Variants in ADORA2B observed in about 807,000 individuals in gnomAD.
ADORA2B encodes adenosine A2b receptor.
A neutral mutation model predicts 20.8 loss-of-function variants in ADORA2B; 18 were observed. That is an observed-to-expected ratio of 0.87 (90% CI 0.60 to 1.29). The LOEUF (loss-of-function observed/expected upper bound fraction) is 1.29. Among genes scored for constraint, ADORA2B ranks in the 50% most tolerant of loss-of-function variants. The pLI, the probability that ADORA2B is intolerant of heterozygous loss-of-function variation, is 0.00. For synonymous variants in ADORA2B, 179 were observed against 178.3 expected, an observed-to-expected ratio of 1.00 and a Z score of -0.03; for missense variants, 441 against 422.7, an observed-to-expected ratio of 1.04 and a Z score of -0.38.
the ADORA2B span, among the ~76,000 whole-genome samples, chr17:15,939,066 A>T: frequency 6.6e-6 from 1 of 152,010 alleles, no homozygotes; most frequent in Non-Finnish European, 1.5e-5. Flanking sequence ...TTTGAGGCAG[A>T]GTCTCTCACC....
chr17:15,927,665 A>C, the ADORA2B span, among the ~76,000 whole-genome samples: 1 of 152,180 alleles, frequency 6.6e-6, no homozygotes, highest in Non-Finnish European at 1.5e-5. Flanking sequence ...AAAATAAAAT[A>C]AAAGTAAGGC....
the ADORA2B span, among the ~76,000 whole-genome samples, chr17:15,936,535 G>A: frequency 5.9e-5 from 9 of 151,776 alleles, no homozygotes; most frequent in Non-Finnish European, 2.9e-5. Flanking sequence ...GGTTAGGCTG[G>A]TCTCAAACTC....
chr17:15,866,762 C>T, the ADORA2B span, among the ~76,000 whole-genome samples: 1 of 124,742 alleles, frequency 8.0e-6, no homozygotes, highest in South Asian at 2.6e-4. Context: ...CCTCTCTTTC[C>T]ACAGTCTCCC....
intron 1 of ADORA2B, among the ~76,000 whole-genome samples, chr17:15,960,263 G>C (rs1970018356): frequency 4.7e-5 from 1 of 21,080 alleles, no homozygotes; most frequent in Non-Finnish European, 5.2e-4. Context: ...TTAAAAAAAG[G>C]CACAAATTGG....
At chr17:15,874,345 T>C in the ADORA2B span, among the ~76,000 whole-genome samples, 1 of 151,646 alleles carries the variant, frequency 6.6e-6, no homozygotes, top group Non-Finnish European at 1.5e-5. Context: ...GGGGGATTAA[T>C]TTTTTTTAAT....
rs187401088 is a variant in ADORA2B, at chr17:15,946,801, C to G, written c.335+1218C>G. The stretch of plus-strand genomic sequence containing the variant: ...CTCACAGCTGGCACCGTGTCCCCAC[C>G]CATGCCATCAGGCCACTCTGCAAGG... On this transcript the variant is annotated intron_variant, in intron 1 of 1. Coordinates refer to ENST00000304222, the MANE Select transcript of ADORA2B (RefSeq NM_000676.4). 1.6e-3 allele frequency among the ~76,000 whole-genome samples: 247 copies of G among 152,282 alleles called. 1 individual carries two copies. The highest frequency in any genetic ancestry group is 5.4e-3 in the African/African-American group (225 of 41,562).
chr17:15,871,892 G>A, the ADORA2B span, among the ~76,000 whole-genome samples: 2 of 152,096 alleles, frequency 1.3e-5, no homozygotes, highest in African/African-American at 2.4e-5. Flanking sequence ...TTCATGCTGC[G>A]TCCTGTAGGT....
At chr17:15,971,067 A>G (rs188993100) in intron 1 of ADORA2B, among the ~76,000 whole-genome samples, 2 of 152,262 alleles carry the variant, frequency 1.3e-5, no homozygotes, top group Admixed American at 1.3e-4. Context: ...TGGAAGTGCC[A>G]TAATTTCCTT....
intron 1 of ADORA2B, among the ~76,000 whole-genome samples, chr17:15,961,761 T>A (rs1970044903): frequency 6.6e-6 from 1 of 151,790 alleles, no homozygotes; most frequent in African/African-American, 2.4e-5. Flanking sequence ...GGTGAGAGAG[T>A]GAGCAAGCAA....
At chr17:15,934,650 A>G in the ADORA2B span, among the ~76,000 whole-genome samples, 9 of 152,180 alleles carry the variant, frequency 5.9e-5, no homozygotes, top group Non-Finnish European at 1.3e-4. Flanking sequence ...GTCAGAATAT[A>G]TAATGATATA....
chr17:15,868,460 T>C, the ADORA2B span, among the ~76,000 whole-genome samples: 11 of 139,830 alleles, frequency 7.9e-5, no homozygotes, highest in East Asian at 8.1e-4. Context: ...TTAGTGCTTT[T>C]TGTATTCTGT....
chr17:15,923,197 C>G, the ADORA2B span, among the ~76,000 whole-genome samples: 8 of 90,334 alleles, frequency 8.9e-5, no homozygotes, highest in African/African-American at 1.6e-4. Context: ...TAATTTCTTT[C>G]TTTTTTTAAT....
chr17:15,936,387 T>G, the ADORA2B span, among the ~76,000 whole-genome samples: 1 of 152,098 alleles, frequency 6.6e-6, no homozygotes, highest in Non-Finnish European at 1.5e-5. Flanking sequence ...GGTGCAATCT[T>G]GTCTCACTGC....
rs1377603824 is a variant in ADORA2B, at chr17:15,975,232, T to G, written c.889T>G (p.Phe297Val). The G allele has an allele frequency of 6.2e-7, 1 of 1,613,914 alleles. No homozygotes were observed. Among genetic ancestry groups the G allele is most frequent in the African/African-American group, 1.3e-5 (1 of 74,926 alleles). The part of the protein sequence containing the change: ...PIVYAYRNRD[F>V]RYTFHKIISR... ...TGTCTATGCTTACCGGAACCGAGAC[T>G]TCCGCTACACTTTTCACAAAATTAT... is the stretch of plus-strand genomic sequence containing the variant. The change falls in exon 2 of 2, where the codon TTC becomes GTC. Residue 297 changes from phenylalanine to valine, a missense_variant. Transcript: ENST00000304222.
At position 15,975,499 on chromosome 17, in the gene ADORA2B, A is replaced by T. The variant is rs908293223; in HGVS notation, c.*157A>T. On this transcript the variant is annotated 3_prime_UTR_variant, in exon 2 of 2. Coordinates refer to ENST00000304222, the MANE Select transcript of ADORA2B (RefSeq NM_000676.4). The stretch of plus-strand genomic sequence containing the variant: ...GCTACCACGTATCTAGCTAATATGT[A>T]TGTGTCAGTAGTAGGCTCCAAGGAT... The T allele has an allele frequency of 5.9e-6, 4 of 676,784 alleles. No homozygotes were observed. The highest frequency in any genetic ancestry group is 9.9e-6 in the Non-Finnish European group (4 of 404,420). The allele number at this position is 676,784 out of a possible 1,614,324, so 41.9% of individuals were successfully genotyped here. A position where few individuals can be genotyped will look rare whatever the true frequency, so the allele number is the denominator to read the frequency against.
chr17:15,952,264 A>C (rs753641727), intron 1 of ADORA2B, among the ~76,000 whole-genome samples: 12 of 152,096 alleles, frequency 7.9e-5, no homozygotes, highest in Non-Finnish European at 1.5e-4. Flanking sequence ...GTCCTCAGCT[A>C]TTCTGGACAT....
At chr17:15,915,380 G>A in the ADORA2B span, among the ~76,000 whole-genome samples, 1 of 152,236 alleles carries the variant, frequency 6.6e-6, no homozygotes, top group Non-Finnish European at 1.5e-5. Context: ...CACATCTGCA[G>A]AGTCCCTTCT....
the ADORA2B span, among the ~76,000 whole-genome samples, chr17:15,879,395 A>G: frequency 0.093 from 14,055 of 151,826 alleles, 1,880 homozygotes; most frequent in African/African-American, 0.29. Flanking sequence ...CAAGGTTGCA[A>G]TGAGCTGTGA....
At chr17:15,883,603 G>A in the ADORA2B span, among the ~76,000 whole-genome samples, 4 of 152,234 alleles carry the variant, frequency 2.6e-5, no homozygotes, top group African/African-American at 4.8e-5. Flanking sequence ...CCACAACATG[G>A]ATGGGCCTGT....
Sources: gnomAD v4.1 joint callset for allele counts (sites outside exome capture counted in the v4.1 genomes callset) on GRCh38, gnomAD v4.1.1 for gene constraint, MANE v1.5 for transcripts, NCBI Gene and HGNC (gene_info 2026-07-23, HGNC 2026-07-21) for gene names.